CTTNBP2: variants seen among roughly 807,000 people sequenced by gnomAD.
CTTNBP2 encodes the protein cortactin binding protein 2, also known as cortactin-binding protein 2.
A neutral mutation model predicts 156.9 loss-of-function variants in CTTNBP2; 108 were observed. The observed-to-expected ratio is 0.69, with a 90% confidence interval of 0.59 to 0.81. The LOEUF is 0.81. Ranked by LOEUF, CTTNBP2 falls within the 30% of genes least tolerant of loss-of-function variation. CTTNBP2 has a pLI of 0.00. For missense variants in CTTNBP2, 1,924 were observed against 2,035.4 expected (o/e 0.95, Z 1.05); for synonymous variants, 767 against 751.8 (o/e 1.02, Z -0.33).
intron 8 of CTTNBP2, among the ~76,000 whole-genome samples, chr7:117,775,952 C>T (rs1798075456): frequency 6.6e-6 from 1 of 152,122 alleles, no homozygotes; most frequent in Non-Finnish European, 1.5e-5. Flanking sequence ...TGAATTGAAT[C>T]ATGCCCTTTT....
intron 12 of CTTNBP2, among the ~76,000 whole-genome samples, chr7:117,752,569 A>T (rs757936514): frequency 1.3e-5 from 2 of 152,228 alleles, no homozygotes; most frequent in Non-Finnish European, 2.9e-5. Context: ...AAAAACAGAA[A>T]CAGAAACAGA....
Position 117,757,959 on chromosome 7 carries a change from A to AC in CTTNBP2, c.3183dup (p.Trp1062ValfsTer19). 1 of 1,612,406 alleles carries AC rather than the reference A, an allele frequency of 6.2e-7. No homozygotes were observed. Among genetic ancestry groups the AC allele is most frequent in the Non-Finnish European group, 8.5e-7 (1 of 1,179,388 alleles). The stretch of plus-strand genomic sequence containing the variant: ...TGCGCGAAGCTCTGACCCACTGACC[A>AC]CGGCACATTTCCTAGTTTCAAAAAA... On this transcript the variant is annotated frameshift_variant, in exon 11 of 23. Transcript: ENST00000160373. LOFTEE classifies it high-confidence loss of function.
chr7:117,816,040 A>G (rs1026479547), intron 2 of CTTNBP2, among the ~76,000 whole-genome samples: 2 of 152,202 alleles, frequency 1.3e-5, no homozygotes, highest in South Asian at 4.1e-4. Flanking sequence ...TTGAAGAAAG[A>G]GCTCAGACCA....
chr7:117,722,204 T>C (rs1003039374), intron 19 of CTTNBP2, among the ~76,000 whole-genome samples: 2 of 151,576 alleles, frequency 1.3e-5, no homozygotes, highest in Non-Finnish European at 2.9e-5. Flanking sequence ...TGTCTCTTTA[T>C]CAAATTTGAT....
intron 22 of CTTNBP2, among the ~76,000 whole-genome samples, chr7:117,717,206 A>T (rs1794452496): frequency 6.6e-6 from 1 of 152,192 alleles, no homozygotes; most frequent in African/African-American, 2.4e-5. Context: ...CTATTTCAAA[A>T]GGTTAAGGAA....
At chr7:117,814,369 T>C (rs938646809) in intron 2 of CTTNBP2, among the ~76,000 whole-genome samples, 2 of 152,186 alleles carry the variant, frequency 1.3e-5, no homozygotes, top group African/African-American at 2.4e-5. Context: ...GCAGACGAAT[T>C]TTTTTCTGCT....
chr7:117,810,811 T>C lies in CTTNBP2; in HGVS notation c.368A>G (p.Glu123Gly). 1 of 1,613,920 alleles carries C rather than the reference T, an allele frequency of 6.2e-7. No homozygotes were observed. Among genetic ancestry groups the C allele is most frequent in the Non-Finnish European group, 8.5e-7 (1 of 1,180,000 alleles). The change falls in exon 3 of 23, where the codon GAA (glutamate) becomes GGA (glycine). Residue 123 changes from glutamate to glycine, a missense_variant. Glu to Gly is a moderately conservative substitution (Grantham distance 98). Transcript: ENST00000160373. The stretch of plus-strand genomic sequence containing the variant: ...AGCAGCCAGCTGTGCGGACATCCTT[T>C]CTTGCATTTTCTTGCAGTGGGCCAT... ...AVMAHCKKMQERMSAQLAAAE... is the reference protein window; with the variant it reads ...AVMAHCKKMQGRMSAQLAAAE...
intron 19 of CTTNBP2, 72 bp from the exon 20 acceptor site, chr7:117,721,202 C>T: frequency 1.1e-6 from 1 of 932,548 alleles, no homozygotes; most frequent in South Asian, 1.3e-5. Context: ...TTAAAAGAAA[C>T]AGACTGTGGA....
intron 4 of CTTNBP2, among the ~76,000 whole-genome samples, chr7:117,788,063 T>G (rs1798798572): frequency 6.6e-6 from 1 of 152,148 alleles, no homozygotes; most frequent in Admixed American, 6.5e-5. Context: ...TAGCCTTGAC[T>G]TCCCGAATTC....
chr7:117,724,583 A>G lies in CTTNBP2; in HGVS notation c.4411T>C (p.Leu1471=). The change falls in exon 19 of 23, where the codon TTA becomes CTA. Residue 1471 remains leucine, a synonymous_variant. Transcript: ENST00000160373. ...SPRRKSGRFS[L]PTWNKPDLST... is the part of the protein sequence containing the mutation. Reference sequence around the variant, plus strand: ...AGGTCTGGCTTATTCCAGGTGGGTAAAGAGAAGCGGCCAGACTTCCTGCGA... The same window carrying G: ...AGGTCTGGCTTATTCCAGGTGGGTAGAGAGAAGCGGCCAGACTTCCTGCGA... The G allele has an allele frequency of 1.2e-6, 2 of 1,613,964 alleles. No individual in the cohort carries two copies. Among genetic ancestry groups the G allele is most frequent in the Non-Finnish European group, 1.7e-6 (2 of 1,180,008 alleles).
chr7:117,839,687 C>T (rs984645798), intron 2 of CTTNBP2, among the ~76,000 whole-genome samples: 2 of 152,156 alleles, frequency 1.3e-5, no homozygotes, highest in East Asian at 3.8e-4. Context: ...TGGCAGGAAA[C>T]CAGAGCCCAG....
intron 14 of CTTNBP2, among the ~76,000 whole-genome samples, chr7:117,736,267 C>A (rs1795681757): frequency 1.3e-5 from 2 of 152,068 alleles, no homozygotes; most frequent in South Asian, 4.2e-4. Context: ...CCAGCCTGGG[C>A]AACATGGTGA....
chr7:117,873,142 G>A (rs1297946289), intron 1 of CTTNBP2, among the ~76,000 whole-genome samples, 193 bp downstream of exon 1: 1 of 152,184 alleles, frequency 6.6e-6, no homozygotes, highest in Non-Finnish European at 1.5e-5. Context: ...CAGCCAGGGT[G>A]GCCGCTCCGC....
intron 3 of CTTNBP2, among the ~76,000 whole-genome samples, chr7:117,805,684 A>G (rs775274986): frequency 2.6e-5 from 4 of 152,240 alleles, no homozygotes; most frequent in Non-Finnish European, 4.4e-5. Flanking sequence ...GCTCTTTCCT[A>G]TATTTTTTCC....
intron 22 of CTTNBP2, among the ~76,000 whole-genome samples, 188 bp downstream of exon 22, chr7:117,717,830 A>T (rs1562947155): frequency 2.0e-5 from 3 of 151,844 alleles, no homozygotes. Context: ...TTCCTATGTC[A>T]TTTTTTTCCA....
intron 19 of CTTNBP2, among the ~76,000 whole-genome samples, chr7:117,723,822 G>A (rs938062157): frequency 2.0e-5 from 3 of 148,000 alleles, no homozygotes; most frequent in Non-Finnish European, 4.5e-5. Flanking sequence ...GTGTGATCTC[G>A]GCTCACTGCA....
chr7:117,836,388 C>T (rs1047161673), intron 2 of CTTNBP2, among the ~76,000 whole-genome samples: 1 of 152,126 alleles, frequency 6.6e-6, no homozygotes, highest in Non-Finnish European at 1.5e-5. Flanking sequence ...CACGACGAAA[C>T]CCTATCTCTA....
chr7:117,742,334 A>C (rs907026837), intron 14 of CTTNBP2, among the ~76,000 whole-genome samples: 1 of 152,234 alleles, frequency 6.6e-6, no homozygotes, highest in African/African-American at 2.4e-5. Context: ...GCAGAGTGGA[A>C]AAGCAAAGGA....
intron 2 of CTTNBP2, among the ~76,000 whole-genome samples, chr7:117,857,492 G>A (rs1803406454): frequency 6.6e-6 from 1 of 151,966 alleles, no homozygotes; most frequent in Non-Finnish European, 1.5e-5. Flanking sequence ...TGAAATCAAA[G>A]CTTAAAGATA....
Sources: gnomAD v4.1 joint callset for allele counts (sites outside exome capture counted in the v4.1 genomes callset) on GRCh38, gnomAD v4.1.1 for gene constraint, MANE v1.5 for transcripts, NCBI Gene and HGNC (gene_info 2026-07-23, HGNC 2026-07-21) for gene names.